The following NFIB variants were observed in gnomAD, a reference collection of about 807,000 sequenced individuals.
The protein encoded by NFIB is nuclear factor I B.
A neutral mutation model predicts 61.5 loss-of-function variants in NFIB; 11 were observed. The observed-to-expected ratio is 0.18, with a 90% CI of 0.11 to 0.30. The LOEUF is 0.30. Among genes scored for constraint, NFIB ranks in the 10% least tolerant of loss-of-function variants. The pLI, the probability that NFIB is intolerant of heterozygous loss-of-function variation, is 1.00. For synonymous variants in NFIB, 260 were observed against 216.5 expected, an observed-to-expected ratio of 1.20 and a Z score of -1.76; for missense variants, 471 against 608.9, an observed-to-expected ratio of 0.77 and a Z score of 2.38.
chr9:14,101,679 TAAATA>T (rs935182127), intron 10 of NFIB, among the ~76,000 whole-genome samples: 47 of 152,332 alleles, frequency 3.1e-4, no homozygotes, highest in Middle Eastern at 3.4e-3. Flanking sequence ...AATTTGTTCT[TAAATA>T]AAATAAATAA....
intron 1 of NFIB, among the ~76,000 whole-genome samples, chr9:14,338,056 T>C: frequency 6.6e-6 from 1 of 152,210 alleles, no homozygotes; most frequent in East Asian, 1.9e-4. Context: ...TCTCTATGTG[T>C]AGCTGTATGT....
chr9:14,218,403 T>C (rs1347150244), intron 2 of NFIB, among the ~76,000 whole-genome samples: 1 of 152,078 alleles, frequency 6.6e-6, no homozygotes, highest in Non-Finnish European at 1.5e-5. Context: ...AAACCCAGAT[T>C]CCACCCACTG....
intron 2 of NFIB, among the ~76,000 whole-genome samples, chr9:14,291,799 A>G (rs2059119799): frequency 7.1e-6 from 1 of 140,468 alleles, no homozygotes; most frequent in African/African-American, 2.5e-5. Context: ...TCTGACTTTC[A>G]GTTAAAAAAA....
the NFIB span, among the ~76,000 whole-genome samples, chr9:14,448,970 T>C: frequency 6.6e-6 from 1 of 151,872 alleles, no homozygotes; most frequent in Admixed American, 6.6e-5. Context: ...AATGCTAGGG[T>C]AGAATAAAGG....
the NFIB span, among the ~76,000 whole-genome samples, chr9:14,514,637 A>C: frequency 6.6e-6 from 1 of 152,168 alleles, no homozygotes; most frequent in African/African-American, 2.4e-5. Context: ...TTTAACACCC[A>C]TATTGCTTGA....
At chr9:14,362,283 T>C (rs964062453) in intron 1 of NFIB, 2 of 152,210 alleles carry the variant, frequency 1.3e-5, no homozygotes, top group Non-Finnish European at 2.9e-5. Context: ...ATGACTACAA[T>C]GGTGAACCAT....
At chr9:14,122,997 C>G (rs1429584227) in intron 7 of NFIB, among the ~76,000 whole-genome samples, 1 of 151,826 alleles carries the variant, frequency 6.6e-6, no homozygotes, top group Non-Finnish European at 1.5e-5. Context: ...GGCTGTAATC[C>G]CAGCACTGTG....
chr9:14,186,921 CTG>C (rs1019532070), intron 2 of NFIB, among the ~76,000 whole-genome samples: 4 of 151,820 alleles, frequency 2.6e-5, no homozygotes, highest in Non-Finnish European at 5.9e-5. Flanking sequence ...CATGGGAAAA[CTG>C]AGTGTTTTCC....
chr9:14,143,047 A>G (rs1387024187), intron 6 of NFIB, among the ~76,000 whole-genome samples: 1 of 152,098 alleles, frequency 6.6e-6, no homozygotes, highest in Non-Finnish European at 1.5e-5. Context: ...ATTCATCAGA[A>G]GAAGCAAATT....
At chr9:14,278,190 G>C (rs1027808362) in intron 2 of NFIB, among the ~76,000 whole-genome samples, 2 of 152,166 alleles carry the variant, frequency 1.3e-5, no homozygotes, top group Admixed American at 6.5e-5. Flanking sequence ...CCCAGATCAC[G>C]TGGAGAACAC....
chr9:14,263,292 T>C (rs2056942977), intron 2 of NFIB, among the ~76,000 whole-genome samples: 1 of 145,318 alleles, frequency 6.9e-6, no homozygotes, highest in Non-Finnish European at 1.5e-5. Flanking sequence ...TTTTTTTTTT[T>C]CATAAAAGCT....
chr9:14,352,927 G>T (rs2061130958), intron 1 of NFIB, among the ~76,000 whole-genome samples: 1 of 152,186 alleles, frequency 6.6e-6, no homozygotes, highest in Non-Finnish European at 1.5e-5. Flanking sequence ...TAGGGGCAGG[G>T]TTAGGAGTAT....
intron 2 of NFIB, among the ~76,000 whole-genome samples, chr9:14,301,910 T>C (rs1040562753): frequency 1.3e-5 from 2 of 152,188 alleles, no homozygotes; most frequent in Non-Finnish European, 2.9e-5. Flanking sequence ...GTGAATTGTG[T>C]ATGAGCCAGA....
At chr9:14,333,969 T>C (rs2060852967) in intron 1 of NFIB, among the ~76,000 whole-genome samples, 1 of 152,236 alleles carries the variant, frequency 6.6e-6, no homozygotes, top group Admixed American at 6.5e-5. Context: ...AAGCATACAA[T>C]ATTTACTGTT....
intron 10 of NFIB, among the ~76,000 whole-genome samples, chr9:14,101,401 T>C (rs2035762241): frequency 6.6e-6 from 1 of 152,248 alleles, no homozygotes; most frequent in African/African-American, 2.4e-5. Context: ...GACATTTAAT[T>C]ATTTTGATTC....
At chr9:14,388,436 AAG>A (rs1215977739) in intron 1 of NFIB, among the ~76,000 whole-genome samples, 1 of 146,178 alleles carries the variant, frequency 6.8e-6, no homozygotes, top group East Asian at 2.1e-4. Context: ...AGGAGAGAGA[AAG>A]AGAGAGGGAG....
chr9:14,316,291 A>C (rs924665668), upstream of NFIB, among the ~76,000 whole-genome samples: 2 of 152,202 alleles, frequency 1.3e-5, no homozygotes, highest in African/African-American at 4.8e-5. Flanking sequence ...CGAGCTTGCC[A>C]AGTTTACCAG....
At chr9:14,231,136 ATAT>A (rs1294901452) in intron 2 of NFIB, among the ~76,000 whole-genome samples, 159 of 20,862 alleles carry the variant, frequency 7.6e-3, no homozygotes, top group African/African-American at 0.017. Context: ...AAAAAAAAAA[ATAT>A]ATATATATAT....
At chr9:14,437,154 G>C in the NFIB span, among the ~76,000 whole-genome samples, 1 of 152,186 alleles carries the variant, frequency 6.6e-6, no homozygotes, top group Admixed American at 6.5e-5. Flanking sequence ...TGGGCTAGAT[G>C]AGCTTTCAGA....
Sources: allele counts gnomAD v4.1 joint callset (sites outside exome capture counted in the v4.1 genomes callset), GRCh38; gene constraint gnomAD v4.1.1; transcripts MANE v1.5; gene names NCBI Gene and HGNC (gene_info 2026-07-23, HGNC 2026-07-21).